The following KPNA1 variants were observed in gnomAD, a reference collection of about 807,000 sequenced individuals.
KPNA1 encodes importin subunit alpha-5.
Under a neutral mutation model 70.5 loss-of-function variants are expected in KPNA1, and 10 were observed. That is an observed-to-expected ratio of 0.14 (90% confidence interval 0.09 to 0.24). The LOEUF is 0.24. Among genes scored for constraint, KPNA1 ranks in the 10% least tolerant of loss-of-function variants. The pLI is 1.00. For synonymous variants in KPNA1, 192 were observed against 221.9 expected (o/e 0.87, Z 1.20); for missense variants, 397 against 637.9 (o/e 0.62, Z 4.07).
intron 2 of KPNA1, among the ~76,000 whole-genome samples, chr3:122,492,416 A>G (rs543624067): frequency 2.6e-5 from 4 of 152,236 alleles, no homozygotes; most frequent in Non-Finnish European, 5.9e-5. Context: ...CTACAGAAAT[A>G]TAATGAAAGC....
chr3:122,502,008 C>A (rs1321171735), intron 1 of KPNA1, among the ~76,000 whole-genome samples: 2 of 152,232 alleles, frequency 1.3e-5, no homozygotes, highest in Non-Finnish European at 2.9e-5. Flanking sequence ...TAAATAATTA[C>A]ATATACGAAC....
intron 1 of KPNA1, among the ~76,000 whole-genome samples, chr3:122,512,586 T>C (rs1174435181): frequency 1.3e-5 from 2 of 152,174 alleles, no homozygotes; most frequent in East Asian, 1.9e-4. Context: ...TAGCCGAGTG[T>C]GGCCTCATGC....
intron 5 of KPNA1, chr3:122,460,344 T>A: frequency 1.0e-6 from 1 of 984,380 alleles, no homozygotes; most frequent in Non-Finnish European, 1.2e-6. Flanking sequence ...TTATGAAAAT[T>A]ATTGAATACT....
chr3:122,509,754 A>G (rs2107512258), intron 1 of KPNA1, among the ~76,000 whole-genome samples: 1 of 152,328 alleles, frequency 6.6e-6, no homozygotes, highest in East Asian at 1.9e-4. Context: ...AATTTAAAGG[A>G]CCTTGTACGA....
chr3:122,486,768 A>C (rs2076634645), intron 2 of KPNA1, among the ~76,000 whole-genome samples: 1 of 152,064 alleles, frequency 6.6e-6, no homozygotes, highest in Non-Finnish European at 1.5e-5. Flanking sequence ...TTATATTTTT[A>C]GTAGAGTCGG....
At position 122,451,967 on chromosome 3, in the gene KPNA1, G is replaced by T. The variant is rs759022018; in HGVS notation, c.653+9C>A. On this transcript the variant is annotated intron_variant, in intron 7 of 13. Transcript: ENST00000344337. The stretch of plus-strand genomic sequence containing the variant: ...AGAAAAAAAAAGGAAGAAGGAAGAA[G>T]AAACTTACTGCAAAAGAGGGGGAAG... 2 of 1,526,172 alleles carry T rather than the reference G, an allele frequency of 1.3e-6. No homozygotes were observed. Among genetic ancestry groups the T allele is most frequent in the African/African-American group, 1.4e-5 (1 of 71,932 alleles). The allele number at this position is 1,526,172 out of a possible 1,614,324, so 94.5% of individuals were successfully genotyped here.
At chr3:122,447,534 G>C (rs1428172482) in intron 9 of KPNA1, among the ~76,000 whole-genome samples, 1 of 152,040 alleles carries the variant, frequency 6.6e-6, no homozygotes, top group Non-Finnish European at 1.5e-5. Flanking sequence ...AAAATAATAA[G>C]AGCTATTTAT....
chr3:122,513,403 A>G (rs570174271), intron 1 of KPNA1, among the ~76,000 whole-genome samples: 8 of 152,378 alleles, frequency 5.3e-5, no homozygotes, highest in Non-Finnish European at 8.8e-5. Flanking sequence ...AACAGAACTC[A>G]TTCTTACTTT....
chr3:122,488,782 C>T (rs1186070193), intron 2 of KPNA1, among the ~76,000 whole-genome samples: 3 of 152,114 alleles, frequency 2.0e-5, no homozygotes, highest in African/African-American at 7.2e-5. Context: ...CATGTCTTTA[C>T]TCTGGGCGTT....
chr3:122,470,525 CAAATAAAT>C (rs202144154), intron 2 of KPNA1, among the ~76,000 whole-genome samples: 25 of 150,160 alleles, frequency 1.7e-4, no homozygotes, highest in African/African-American at 3.4e-4. Flanking sequence ...AATAAATAAA[CAAATAAAT>C]AAATAAATAA....
chr3:122,447,334 CG>C (rs910191264), intron 9 of KPNA1, among the ~76,000 whole-genome samples: 1 of 152,158 alleles, frequency 6.6e-6, no homozygotes, highest in African/African-American at 2.4e-5. Flanking sequence ...ACGATCAAGT[CG>C]GCTTCATCCC....
At position 122,514,743 on chromosome 3, in the gene KPNA1, G is replaced by A. The variant is rs2076999302; in HGVS notation, c.-6+14C>T. ...GAGGGGGAGGGGCCGGGGCCGCAAGGCCCCAGCACTCACCAGGCTCAAGGC... is the reference window on the plus strand; with the variant it reads ...GAGGGGGAGGGGCCGGGGCCGCAAGACCCCAGCACTCACCAGGCTCAAGGC... On this transcript the variant is annotated intron_variant, in intron 1 of 13. Transcript: ENST00000344337. 6.6e-6 allele frequency: 1 copy of A among 152,446 alleles called. No individual in the cohort carries two copies. Among genetic ancestry groups the A allele is most frequent in the African/African-American group, 2.4e-5 (1 of 41,516 alleles). The allele number at this position is 152,446 out of a possible 1,614,324, so 9.4% of individuals were successfully genotyped here. A position where few individuals can be genotyped will look rare whatever the true frequency, so the allele number is the denominator to read the frequency against.
At chr3:122,438,873 AT>A (rs2076025888) in intron 10 of KPNA1, among the ~76,000 whole-genome samples, 1 of 152,226 alleles carries the variant, frequency 6.6e-6, no homozygotes, top group East Asian at 1.9e-4. Flanking sequence ...ATAGGGGAAA[AT>A]AAAAATTTCA....
intron 2 of KPNA1, among the ~76,000 whole-genome samples, chr3:122,480,580 A>G (rs1018925093): frequency 6.6e-6 from 1 of 152,180 alleles, no homozygotes; most frequent in Non-Finnish European, 1.5e-5. Flanking sequence ...GAAGGAAACT[A>G]ACACCAGATG....
intron 10 of KPNA1, among the ~76,000 whole-genome samples, chr3:122,440,423 G>A (rs892191675): frequency 5.3e-5 from 8 of 152,186 alleles, no homozygotes; most frequent in East Asian, 1.9e-4. Context: ...TAAAGCATGC[G>A]TTAAAACTCT....
intron 11 of KPNA1, among the ~76,000 whole-genome samples, chr3:122,435,765 ATAAT>A (rs1307496633): frequency 6.6e-6 from 1 of 152,242 alleles, no homozygotes; most frequent in South Asian, 2.1e-4. Context: ...CAATACTCTT[ATAAT>A]TTCCTATGCC....
chr3:122,465,337 A>AG (rs1429869714), intron 3 of KPNA1, among the ~76,000 whole-genome samples: 1 of 152,240 alleles, frequency 6.6e-6, no homozygotes, highest in African/African-American at 2.4e-5. Flanking sequence ...TGCCTAGCCT[A>AG]GCCTACCTTA....
At chr3:122,493,195 T>C (rs1461703476) in intron 2 of KPNA1, among the ~76,000 whole-genome samples, 2 of 152,206 alleles carry the variant, frequency 1.3e-5, no homozygotes, top group Non-Finnish European at 2.9e-5. Flanking sequence ...ATATTATAGT[T>C]TTTCTTCCCA....
intron 1 of KPNA1, among the ~76,000 whole-genome samples, chr3:122,498,519 G>T (rs151050818): frequency 6.6e-6 from 1 of 152,048 alleles, no homozygotes; most frequent in African/African-American, 2.4e-5. Context: ...CAACCCAAAC[G>T]GACCATGACA....
Sources: gnomAD v4.1 joint callset for allele counts (sites outside exome capture counted in the v4.1 genomes callset) on GRCh38, gnomAD v4.1.1 for gene constraint, MANE v1.5 for transcripts, NCBI Gene and HGNC (gene_info 2026-07-23, HGNC 2026-07-21) for gene names.